PHACTR1: variants seen among roughly 807,000 people sequenced by gnomAD.
PHACTR1 encodes RPEL repeat containing 1.
Under a neutral mutation model 69.2 loss-of-function variants are expected in PHACTR1, and 16 were observed. The ratio of observed to expected loss-of-function variants is 0.23; its 90% confidence interval spans 0.16 to 0.35. PHACTR1 has a LOEUF of 0.35. Ranked by LOEUF, PHACTR1 falls within the 10% of genes least tolerant of loss-of-function variation. PHACTR1 has a pLI of 1.00. For synonymous variants in PHACTR1, 312 were observed against 284.5 expected (o/e 1.10, Z -0.97); for missense variants, 510 against 734.7 (o/e 0.69, Z 3.54).
At chr6:13,243,201 T>G (rs1464663331) in intron 10 of PHACTR1, among the ~76,000 whole-genome samples, 1 of 152,072 alleles carries the variant, frequency 6.6e-6, no homozygotes, top group Non-Finnish European at 1.5e-5. Context: ...CCTCTTAAAC[T>G]TGTGCATTAA....
In PHACTR1 at chr6:13,205,902, T is replaced by TG. The variant is rs749326031; in HGVS notation, c.759dup (p.Pro254AlafsTer78). The TG allele has an allele frequency of 3.1e-6, 5 of 1,613,292 alleles. No homozygotes were observed. The highest frequency in any genetic ancestry group is 2.5e-6 in the Non-Finnish European group (3 of 1,179,470). On this transcript the variant is annotated frameshift_variant, in exon 8 of 15. Transcript: ENST00000332995. LOFTEE classifies it high-confidence loss of function. ...AAGAAAGTCATGATCTGTATGCCCGTGGGGGGGCCAGACCTCTCACTGGTG... is the reference window on the plus strand; with the variant it reads ...AAGAAAGTCATGATCTGTATGCCCGTGGGGGGGGCCAGACCTCTCACTGGTG...
At chr6:12,821,480 AAAAAGAG>A (rs1372343438) in intron 4 of PHACTR1, among the ~76,000 whole-genome samples, 6 of 83,704 alleles carry the variant, frequency 7.2e-5, no homozygotes, top group Non-Finnish European at 1.2e-4. Context: ...AAAAAAAAAA[AAAAAGAG>A]AGAGAGAGAG....
chr6:12,972,247 G>T (rs1365329282), intron 4 of PHACTR1, among the ~76,000 whole-genome samples: 1 of 152,142 alleles, frequency 6.6e-6, no homozygotes, highest in Non-Finnish European at 1.5e-5. Flanking sequence ...GGAACTCAGG[G>T]GATGTCTCAT....
intron 4 of PHACTR1, among the ~76,000 whole-genome samples, chr6:12,928,697 G>A (rs1168230908): frequency 6.6e-6 from 1 of 151,346 alleles, no homozygotes; most frequent in East Asian, 2.0e-4. Flanking sequence ...GTAGGGGGCA[G>A]GACAGAGAGA....
chr6:13,174,963 A>G (rs2113664910), intron 6 of PHACTR1, among the ~76,000 whole-genome samples: 1 of 152,326 alleles, frequency 6.6e-6, no homozygotes, highest in South Asian at 2.1e-4. Context: ...ACTATCATAT[A>G]TAAAAAGTCC....
At chr6:12,824,791 C>T (rs780100816) in intron 4 of PHACTR1, among the ~76,000 whole-genome samples, 2 of 151,922 alleles carry the variant, frequency 1.3e-5, no homozygotes, top group Non-Finnish European at 2.9e-5. Context: ...TAGTTCTGTC[C>T]ATGTATGTTT....
intron 7 of PHACTR1, among the ~76,000 whole-genome samples, chr6:13,203,012 C>T (rs1765437462): frequency 6.6e-6 from 1 of 152,236 alleles, no homozygotes; most frequent in African/African-American, 2.4e-5. Context: ...TGTTGGGGAG[C>T]AATCTTATCA....
chr6:12,722,929 C>T (rs1007698467), intron 3 of PHACTR1, among the ~76,000 whole-genome samples: 1 of 152,194 alleles, frequency 6.6e-6, no homozygotes, highest in Non-Finnish European at 1.5e-5. Context: ...ATACACATGG[C>T]TTCAAATATC....
chr6:13,077,526 G>T lies in PHACTR1; in HGVS notation c.415+23997G>T, dbSNP rs150248255. Among the ~76,000 whole-genome samples, 43 of 152,314 alleles carry T rather than the reference G, an allele frequency of 2.8e-4. No homozygotes were observed. The East Asian group carries it at 7.5e-3, about 27-fold the overall frequency. ...GTGTTTTGGAAGTTTGATTCAGTTG[G>T]ATCAGGGGTTATAACAGGCAACTGC... On this transcript the variant is annotated intron_variant, in intron 5 of 14. Coordinates refer to ENST00000332995, the MANE Select transcript of PHACTR1 (RefSeq NM_030948.6).
At chr6:12,848,506 G>A (rs1480907543) in intron 4 of PHACTR1, among the ~76,000 whole-genome samples, 1 of 151,954 alleles carries the variant, frequency 6.6e-6, no homozygotes, top group Non-Finnish European at 1.5e-5. Context: ...ACTTTTATTT[G>A]GAAATGTAAT....
intron 6 of PHACTR1, among the ~76,000 whole-genome samples, chr6:13,177,856 C>A (rs1761609866): frequency 1.3e-5 from 2 of 152,194 alleles, no homozygotes; most frequent in African/African-American, 4.8e-5. Context: ...GAGCTAACAG[C>A]AAACCTCTGG....
At chr6:13,048,522 TTGTG>T (rs70989824) in intron 4 of PHACTR1, among the ~76,000 whole-genome samples, 5 of 142,984 alleles carry the variant, frequency 3.5e-5, no homozygotes, top group South Asian at 4.7e-4. Flanking sequence ...TTCCATTTCT[TTGTG>T]TGTGTGTGTG....
chr6:13,242,308 G>A (rs550941732), intron 10 of PHACTR1, among the ~76,000 whole-genome samples: 1 of 152,336 alleles, frequency 6.6e-6, no homozygotes, highest in South Asian at 2.1e-4. Context: ...AAGGGAGTGT[G>A]GAAAACATAG....
At chr6:12,809,335 A>G (rs1774759207) in intron 4 of PHACTR1, among the ~76,000 whole-genome samples, 1 of 152,234 alleles carries the variant, frequency 6.6e-6, no homozygotes, top group Admixed American at 6.5e-5. Context: ...ACCCTAGTGC[A>G]GGAATATAGA....
intron 4 of PHACTR1, among the ~76,000 whole-genome samples, chr6:12,985,947 T>C (rs1445458930): frequency 6.6e-6 from 1 of 152,012 alleles, no homozygotes; most frequent in Non-Finnish European, 1.5e-5. Context: ...GTGATTCTCC[T>C]GTCTCGGCCT....
Position 13,283,347 on chromosome 6 carries a change from C to CT in PHACTR1, c.1510-75_1510-74insT. The CT allele has an allele frequency of 6.5e-7, 1 of 1,545,886 alleles. No homozygotes were observed. Among genetic ancestry groups the CT allele is most frequent in the East Asian group, 2.3e-5 (1 of 42,836 alleles). On this transcript the variant is annotated intron_variant, in intron 12 of 14. Transcript: ENST00000332995. The surrounding 1 kb of genome is among the most constrained non-coding windows in gnomAD (Gnocchi z 4.7). ...CACTGAACCTTATTTTCCACACCTG[C>CT]AAGTTCACAGACAGGACCAAGTGCC...
intron 4 of PHACTR1, among the ~76,000 whole-genome samples, chr6:13,046,742 C>G (rs1805121043): frequency 6.6e-6 from 1 of 151,934 alleles, no homozygotes; most frequent in Non-Finnish European, 1.5e-5. Flanking sequence ...CACTTTACGT[C>G]CCCATCCCAT....
At chr6:12,751,460 T>C (rs1392501602) in intron 4 of PHACTR1, among the ~76,000 whole-genome samples, 1 of 152,194 alleles carries the variant, frequency 6.6e-6, no homozygotes, top group Non-Finnish European at 1.5e-5. Flanking sequence ...CCAAGTGATA[T>C]TGGAAATTAG....
chr6:13,064,807 A>T (rs912041064), intron 5 of PHACTR1, among the ~76,000 whole-genome samples: 2 of 150,444 alleles, frequency 1.3e-5, no homozygotes, highest in South Asian at 2.1e-4. Flanking sequence ...GCCCTTTGCG[A>T]CTGGGCTCAA....
Sources: gnomAD v4.1 joint callset for allele counts (sites outside exome capture counted in the v4.1 genomes callset) on GRCh38, gnomAD v4.1.1 for gene constraint, Gnocchi (gnomAD v3.1) non-coding constraint, MANE v1.5 for transcripts, NCBI Gene and HGNC (gene_info 2026-07-23, HGNC 2026-07-21) for gene names.